The following NRXN1 variants were observed in gnomAD, a reference collection of about 807,000 sequenced individuals.
The protein encoded by NRXN1 is neurexin 1.
Under a neutral mutation model 150.9 loss-of-function variants are expected in NRXN1, and 39 were observed. That is an observed-to-expected ratio of 0.26 (90% CI 0.20 to 0.34). The LOEUF (loss-of-function observed/expected upper bound fraction) is 0.34, where lower values mean the gene tolerates loss of function less well. NRXN1 is among the 10% of genes least tolerant of loss of function. NRXN1 has a pLI of 1.00. For synonymous variants in NRXN1, 924 were observed against 757.0 expected, an observed-to-expected ratio of 1.22 and a Z score of -3.62; for missense variants, 1,815 against 1,949.9, an observed-to-expected ratio of 0.93 and a Z score of 1.30.
chr2:50,683,172 C>A (rs968926002), intron 5 of NRXN1, among the ~76,000 whole-genome samples: 1 of 151,960 alleles, frequency 6.6e-6, no homozygotes, highest in African/African-American at 2.4e-5. Flanking sequence ...ACTTTGTAAT[C>A]TGTTAGTTTT....
rs144596816 is a variant in NRXN1 at position 50,855,786 on chromosome 2, C to T, written c.832+66083G>A. On this transcript the variant is annotated intron_variant, in intron 5 of 22. Transcript: ENST00000401669. Reference sequence around the variant, plus strand: ...TATCTTACTATGTCCACTGACTATCCTATCCTGCATGCTATACTTAAAGTG... The same window carrying T: ...TATCTTACTATGTCCACTGACTATCTTATCCTGCATGCTATACTTAAAGTG... 1.2e-4 allele frequency among the ~76,000 whole-genome samples: 18 copies of T among 152,126 alleles called. No individual in the cohort carries two copies. In the East Asian group the frequency reaches 2.1e-3, roughly 18 times the overall value.
rs1164476567 is a variant in NRXN1, at chr2:49,920,904, G to GTCTT, written c.*1036_*1039dup. 2 of 152,600 alleles carry GTCTT rather than the reference G, an allele frequency of 1.3e-5. No individual in the cohort carries two copies. Among genetic ancestry groups the GTCTT allele is most frequent in the Admixed American group, 6.5e-5 (1 of 15,286 alleles). 9.5% of individuals were successfully genotyped at this position (152,600 alleles called of 1,614,324 possible). Reference sequence around the variant, plus strand: ...TACATATAAGAAAAGAAGTAGCTGAGTCTTTGTATATACATTCATACATAT... The same window carrying GTCTT: ...TACATATAAGAAAAGAAGTAGCTGAGTCTTTCTTTGTATATACATTCATACATAT... On this transcript the variant is annotated 3_prime_UTR_variant, in exon 23 of 23. Transcript: ENST00000401669.
intron 18 of NRXN1, among the ~76,000 whole-genome samples, chr2:50,163,328 C>T (rs924243623): frequency 2.6e-5 from 4 of 151,992 alleles, no homozygotes; most frequent in Admixed American, 2.6e-4. Flanking sequence ...ATCAAATCCA[C>T]TCAAGACTAG....
chr2:50,686,581 T>C (rs1240295351), intron 5 of NRXN1, among the ~76,000 whole-genome samples: 1 of 152,188 alleles, frequency 6.6e-6, no homozygotes, highest in Non-Finnish European at 1.5e-5. Context: ...AAACAATCTA[T>C]AAAATGCTAC....
chr2:50,508,384 A>C (rs1319928052), intron 12 of NRXN1, among the ~76,000 whole-genome samples: 1 of 151,244 alleles, frequency 6.6e-6, no homozygotes, highest in East Asian at 1.9e-4. Flanking sequence ...AAATACTTTG[A>C]GATCAAATGT....
At chr2:50,891,448 C>T (rs1681054260) in intron 5 of NRXN1, among the ~76,000 whole-genome samples, 1 of 151,984 alleles carries the variant, frequency 6.6e-6, no homozygotes, top group African/African-American at 2.4e-5. Context: ...TCTGTTTATA[C>T]TTAAATATAC....
At chr2:49,984,741 AC>A (rs1680616753) in intron 21 of NRXN1, among the ~76,000 whole-genome samples, 1 of 151,948 alleles carries the variant, frequency 6.6e-6, no homozygotes, top group Non-Finnish European at 1.5e-5. Context: ...ACACACACAC[AC>A]ACACACGATA....
intron 18 of NRXN1, among the ~76,000 whole-genome samples, chr2:50,108,569 T>G (rs991400940): frequency 6.6e-6 from 1 of 152,032 alleles, no homozygotes; most frequent in Non-Finnish European, 1.5e-5. Flanking sequence ...TTAACATGCA[T>G]CATTAGGACA....
intron 5 of NRXN1, among the ~76,000 whole-genome samples, chr2:50,712,611 A>C (rs1019281041): frequency 6.6e-6 from 1 of 152,182 alleles, no homozygotes; most frequent in Non-Finnish European, 1.5e-5. Context: ...CACAAAATAG[A>C]TGCCATCTTT....
At chr2:50,100,943 C>A (rs1700896134) in intron 18 of NRXN1, among the ~76,000 whole-genome samples, 1 of 152,022 alleles carries the variant, frequency 6.6e-6, no homozygotes. Context: ...TAATTTTTCA[C>A]AGGTAATACT....
At chr2:50,080,840 G>A (rs1272384166) in intron 19 of NRXN1, among the ~76,000 whole-genome samples, 1 of 152,086 alleles carries the variant, frequency 6.6e-6, no homozygotes, top group Non-Finnish European at 1.5e-5. Flanking sequence ...GTTAGTAAAG[G>A]GCAGCCACAT....
At chr2:50,185,168 T>C (rs1368806702) in intron 18 of NRXN1, among the ~76,000 whole-genome samples, 2 of 152,076 alleles carry the variant, frequency 1.3e-5, no homozygotes, top group East Asian at 3.9e-4. Flanking sequence ...TGTTCAGAAA[T>C]CTCTTAGAAT....
chr2:50,663,149 T>G (rs755810790), intron 5 of NRXN1, among the ~76,000 whole-genome samples: 3 of 152,062 alleles, frequency 2.0e-5, no homozygotes, highest in Non-Finnish European at 2.9e-5. Flanking sequence ...TATTGTGCTC[T>G]TTGACTTAAA....
At chr2:50,662,690 T>C (rs1318260199) in intron 5 of NRXN1, among the ~76,000 whole-genome samples, 1 of 151,988 alleles carries the variant, frequency 6.6e-6, no homozygotes, top group Non-Finnish European at 1.5e-5. Flanking sequence ...AGCCAAAAGA[T>C]TGGGAATCCC....
intron 8 of NRXN1, among the ~76,000 whole-genome samples, chr2:50,601,578 C>A (rs138993442): frequency 6.6e-6 from 1 of 152,114 alleles, no homozygotes; most frequent in African/African-American, 2.4e-5. Context: ...CCTTGGCAAG[C>A]GATGGATGGG....
intron 19 of NRXN1, among the ~76,000 whole-genome samples, chr2:50,056,928 T>A (rs961009786): frequency 2.0e-5 from 3 of 152,102 alleles, no homozygotes; most frequent in African/African-American, 7.2e-5. Context: ...CCTCATGTTT[T>A]TCATGCTAGA....
chr2:50,474,369 A>G (rs1038340589), intron 15 of NRXN1, among the ~76,000 whole-genome samples: 12 of 151,844 alleles, frequency 7.9e-5, no homozygotes, highest in African/African-American at 2.9e-4. Flanking sequence ...CTCCTCTTTC[A>G]GTCAAGCAGG....
At chr2:50,013,580 T>G (rs541097815) in intron 21 of NRXN1, among the ~76,000 whole-genome samples, 1 of 152,286 alleles carries the variant, frequency 6.6e-6, no homozygotes, top group East Asian at 1.9e-4. Context: ...TCATTACATG[T>G]ATTTATGAAG....
intron 2 of NRXN1, among the ~76,000 whole-genome samples, chr2:50,984,024 G>C (rs1475949272): frequency 6.6e-6 from 1 of 151,232 alleles, no homozygotes; most frequent in African/African-American, 2.4e-5. Context: ...CTGGAAGGCA[G>C]TAGCATGATC....
Sources: gnomAD v4.1 joint callset for allele counts (sites outside exome capture counted in the v4.1 genomes callset) on GRCh38, gnomAD v4.1.1 for gene constraint, MANE v1.5 for transcripts, NCBI Gene and HGNC (gene_info 2026-07-23, HGNC 2026-07-21) for gene names.